Variants in DIS3L2 observed in about 807,000 individuals in gnomAD.
The protein encoded by DIS3L2 is DIS3-like exonuclease 2.
Under a neutral mutation model 97.5 loss-of-function variants are expected in DIS3L2, and 34 were observed. The observed-to-expected ratio is 0.35, with a 90% CI of 0.27 to 0.46. The LOEUF is 0.46. DIS3L2 is among the 20% of genes least tolerant of loss of function. DIS3L2 has a pLI of 1.00. For synonymous variants in DIS3L2, 435 were observed against 445.2 expected (o/e 0.98, Z 0.29); for missense variants, 1,038 against 1,146.0 (o/e 0.91, Z 1.36).
intron 10 of DIS3L2, among the ~76,000 whole-genome samples, chr2:232,223,262 C>T (rs1168809519): frequency 1.3e-5 from 2 of 152,194 alleles, no homozygotes; most frequent in Non-Finnish European, 2.9e-5. Flanking sequence ...TGATGAGAGA[C>T]AGTTGTGGTA....
At chr2:232,182,447 GT>G (rs1175726262) in intron 9 of DIS3L2, among the ~76,000 whole-genome samples, 1 of 152,076 alleles carries the variant, frequency 6.6e-6, no homozygotes, top group Non-Finnish European at 1.5e-5. Flanking sequence ...TTGATTTATA[GT>G]TTTGTTTAAG....
At chr2:232,070,166 T>G (rs994292923) in intron 5 of DIS3L2, among the ~76,000 whole-genome samples, 3 of 152,180 alleles carry the variant, frequency 2.0e-5, no homozygotes, top group Non-Finnish European at 2.9e-5. Context: ...ATCCAGTCCT[T>G]CTATCTCTGT....
At chr2:232,298,008 T>C (rs1448086985) in intron 13 of DIS3L2, among the ~76,000 whole-genome samples, 1 of 152,184 alleles carries the variant, frequency 6.6e-6, no homozygotes, top group Admixed American at 6.5e-5. Context: ...CAGTCTTTCT[T>C]CTAGGAAGTC....
At chr2:232,193,272 A>G (rs1691665553) in intron 9 of DIS3L2, among the ~76,000 whole-genome samples, 1 of 152,240 alleles carries the variant, frequency 6.6e-6, no homozygotes, top group Non-Finnish European at 1.5e-5. Context: ...AAATGCTGCT[A>G]TCACAGGAGT....
intron 8 of DIS3L2, among the ~76,000 whole-genome samples, chr2:232,140,310 G>A (rs1255040861): frequency 6.6e-6 from 1 of 152,100 alleles, no homozygotes; most frequent in Non-Finnish European, 1.5e-5. Flanking sequence ...TGTTTGGTTT[G>A]CAATTGCTTG....
At chr2:232,176,004 T>A (rs1265042927) in intron 9 of DIS3L2, among the ~76,000 whole-genome samples, 2 of 152,100 alleles carry the variant, frequency 1.3e-5, no homozygotes, top group East Asian at 3.8e-4. Flanking sequence ...ATTCTCCTGC[T>A]TCAGCCTCCC....
chr2:232,337,061 C>T lies in DIS3L2; in HGVS notation c.*431C>T. 5 of 1,044,022 alleles carry T rather than the reference C, an allele frequency of 4.8e-6. No individual in the cohort carries two copies. The highest frequency in any genetic ancestry group is 5.8e-6 in the Non-Finnish European group (5 of 868,214). The allele number at this position is 1,044,022 out of a possible 1,614,324, so 64.7% of individuals were successfully genotyped here. On this transcript the variant is annotated 3_prime_UTR_variant, in exon 21 of 21. Transcript: ENST00000325385. ...GCAAGGGACCCAGTTCAGGCTTCAC[C>T]CCTCGCTGCTGAGCCGATGTCAACA...
chr2:232,336,045 G>A, intron 20 of DIS3L2, 171 bp downstream of exon 20: 1 of 1,527,896 alleles, frequency 6.5e-7, no homozygotes, highest in Non-Finnish European at 8.8e-7. Flanking sequence ...TGTGGGTCCT[G>A]CTTTCTGGCA....
At chr2:232,076,245 T>G (rs1266760822) in intron 5 of DIS3L2, among the ~76,000 whole-genome samples, 1 of 152,236 alleles carries the variant, frequency 6.6e-6, no homozygotes, top group Non-Finnish European at 1.5e-5. Flanking sequence ...CTTTCTCAGC[T>G]TAGATACCTC....
intron 1 of DIS3L2, among the ~76,000 whole-genome samples, chr2:231,995,541 A>C (rs1693709698): frequency 6.6e-6 from 1 of 152,048 alleles, no homozygotes; most frequent in Non-Finnish European, 1.5e-5. Context: ...GGCTCACTTC[A>C]ACCTTTCTAC....
intron 9 of DIS3L2, among the ~76,000 whole-genome samples, chr2:232,196,258 G>T (rs1003105691): frequency 6.6e-6 from 1 of 152,122 alleles, no homozygotes; most frequent in African/African-American, 2.4e-5. Flanking sequence ...GAACCAATGT[G>T]CCTGGCCTGG....
chr2:232,303,806 G>C (rs1044333610), intron 14 of DIS3L2, among the ~76,000 whole-genome samples: 1 of 152,150 alleles, frequency 6.6e-6, no homozygotes, highest in Admixed American at 6.5e-5. Context: ...CATGGGTGGT[G>C]CCTGATAATT....
chr2:232,100,829 G>GTATA (rs1553607345), intron 6 of DIS3L2, among the ~76,000 whole-genome samples: 5 of 148,054 alleles, frequency 3.4e-5, no homozygotes, highest in African/African-American at 1.2e-4. Context: ...GTGTGTGTGT[G>GTATA]TATATATATC....
At chr2:232,127,305 C>T (rs551041701) in intron 6 of DIS3L2, among the ~76,000 whole-genome samples, 90 of 152,312 alleles carry the variant, frequency 5.9e-4, no homozygotes, top group Non-Finnish European at 1.1e-3. Context: ...ATCTTTACCC[C>T]TTCCTCTTGT....
At chr2:232,130,207 GTT>G (rs1698179246) in intron 6 of DIS3L2, among the ~76,000 whole-genome samples, 1 of 152,098 alleles carries the variant, frequency 6.6e-6, no homozygotes, top group South Asian at 2.1e-4. Flanking sequence ...ACTTTTAAAA[GTT>G]AACATTTATT....
chr2:232,316,923 C>T (rs1036127270), intron 14 of DIS3L2, among the ~76,000 whole-genome samples: 3 of 152,078 alleles, frequency 2.0e-5, no homozygotes, highest in East Asian at 1.9e-4. Context: ...TTCATTGTAC[C>T]GTTCCTGAAG....
chr2:232,104,093 T>A (rs1574878066), intron 6 of DIS3L2, among the ~76,000 whole-genome samples: 1 of 152,318 alleles, frequency 6.6e-6, no homozygotes, highest in East Asian at 1.9e-4. Context: ...AAATAATTTC[T>A]ACTGTTTTTA....
chr2:232,042,636 A>C (rs1408157891), intron 5 of DIS3L2, among the ~76,000 whole-genome samples: 1 of 152,204 alleles, frequency 6.6e-6, no homozygotes, highest in East Asian at 1.9e-4. Context: ...GCTCTGCATC[A>C]AATACTTCAG....
chr2:232,117,486 G>A lies in DIS3L2; in HGVS notation c.602-13133G>A, dbSNP rs185325013. On this transcript the variant is annotated intron_variant, in intron 6 of 20. Coordinates refer to ENST00000325385, the MANE Select transcript of DIS3L2 (RefSeq NM_152383.5). Reference sequence around the variant, plus strand: ...AGAGTAAAGCGTAGCATTTTGTTATGGGAATTTTCCAAACCATTTTTTGAA... The same window carrying A: ...AGAGTAAAGCGTAGCATTTTGTTATAGGAATTTTCCAAACCATTTTTTGAA... Among the ~76,000 whole-genome samples the A allele has an allele frequency of 4.0e-4, 61 of 152,282 alleles. 1 individual carries two copies. Among genetic ancestry groups the A allele is most frequent in the African/African-American group, 1.4e-3 (59 of 41,552 alleles).
Sources: allele counts gnomAD v4.1 joint callset (sites outside exome capture counted in the v4.1 genomes callset), GRCh38; gene constraint gnomAD v4.1.1; transcripts MANE v1.5; gene names NCBI Gene and HGNC (gene_info 2026-07-23, HGNC 2026-07-21).